Variants in ZNF385D observed in about 807,000 individuals in gnomAD.
The protein encoded by ZNF385D is zinc finger protein 385D.
A neutral mutation model predicts 35.8 loss-of-function variants in ZNF385D; 15 were observed. The ratio of observed to expected loss-of-function variants is 0.42; its 90% CI spans 0.28 to 0.64. The LOEUF (loss-of-function observed/expected upper bound fraction) is 0.64. Ranked by LOEUF, ZNF385D falls within the 30% of genes least tolerant of loss-of-function variation. The pLI is 0.23. For missense variants in ZNF385D, 474 were observed against 494.6 expected, an observed-to-expected ratio of 0.96 and a Z score of 0.39; for synonymous variants, 212 against 186.8, an observed-to-expected ratio of 1.13 and a Z score of -1.10.
At chr3:22,119,812 A>G (rs1053530936) in intron 3 of ZNF385D, among the ~76,000 whole-genome samples, 1 of 151,874 alleles carries the variant, frequency 6.6e-6, no homozygotes, top group Non-Finnish European at 1.5e-5. Flanking sequence ...GTGAGTATTT[A>G]TTCAGCATCT....
At chr3:22,024,915 A>G (rs1697443397) in intron 3 of ZNF385D, among the ~76,000 whole-genome samples, 1 of 152,170 alleles carries the variant, frequency 6.6e-6, no homozygotes, top group South Asian at 2.1e-4. Context: ...TGAGAGTTTT[A>G]TCTCCTGTAG....
chr3:21,468,644 G>C (rs1387292352), intron 4 of ZNF385D, among the ~76,000 whole-genome samples: 1 of 151,816 alleles, frequency 6.6e-6, no homozygotes, highest in Non-Finnish European at 1.5e-5. Context: ...ACGTAGTATG[G>C]GCAGGGGGCG....
At chr3:21,527,933 T>G (rs894877823) in intron 3 of ZNF385D, among the ~76,000 whole-genome samples, 1 of 152,198 alleles carries the variant, frequency 6.6e-6, no homozygotes, top group African/African-American at 2.4e-5. Flanking sequence ...ATTTTATGTA[T>G]TATTTAAATG....
chr3:22,079,387 T>C (rs1700628357), intron 3 of ZNF385D, among the ~76,000 whole-genome samples: 1 of 151,888 alleles, frequency 6.6e-6, no homozygotes, highest in Non-Finnish European at 1.5e-5. Flanking sequence ...ATATAATTAA[T>C]ATAAAAATAT....
intron 3 of ZNF385D, among the ~76,000 whole-genome samples, chr3:22,088,415 T>C (rs1219808427): frequency 6.6e-6 from 1 of 152,182 alleles, no homozygotes; most frequent in Non-Finnish European, 1.5e-5. Context: ...TGTTGTATCC[T>C]AGGACACTTT....
chr3:22,121,386 A>G (rs978679135), intron 3 of ZNF385D, among the ~76,000 whole-genome samples: 1 of 152,200 alleles, frequency 6.6e-6, no homozygotes, highest in African/African-American at 2.4e-5. Context: ...TTAACTCAGC[A>G]TGCATAATCA....
chr3:22,252,244 A>G (rs1700098009), intron 2 of ZNF385D, among the ~76,000 whole-genome samples: 1 of 152,064 alleles, frequency 6.6e-6, no homozygotes, highest in East Asian at 1.9e-4. Context: ...AACTCTTATG[A>G]AAGGAAATTG....
intron 1 of ZNF385D, among the ~76,000 whole-genome samples, chr3:21,698,650 A>C (rs940241231): frequency 1.3e-5 from 2 of 151,032 alleles, no homozygotes; most frequent in Non-Finnish European, 3.0e-5. Flanking sequence ...AAGAAAAAAA[A>C]CAAACAAACC....
At chr3:22,277,144 C>CA (rs1022414684) in intron 2 of ZNF385D, among the ~76,000 whole-genome samples, 3 of 151,894 alleles carry the variant, frequency 2.0e-5, no homozygotes, top group Admixed American at 2.0e-4. Flanking sequence ...TAATAACTCC[C>CA]AAAAGGAAGT....
rs907013364 is a variant in ZNF385D at position 21,965,853 on chromosome 3, G to C, written c.325+202964C>G. ...GCTCAAAAATATGGAAGAAAGAAGGGAGGAAGGAATGGAAGAAGAAGAGAT... is the reference window on the plus strand; with the variant it reads ...GCTCAAAAATATGGAAGAAAGAAGGCAGGAAGGAATGGAAGAAGAAGAGAT... On this transcript the variant is annotated intron_variant, in intron 3 of 5. Coordinates refer to the ZNF385D transcript ENST00000494108. 3.3e-5 allele frequency among the ~76,000 whole-genome samples: 5 copies of C among 152,266 alleles called. No individual in the cohort carries two copies. In the South Asian group the frequency reaches 1.0e-3, roughly 32 times the overall value.
chr3:22,140,431 G>A (rs1704435905), intron 3 of ZNF385D, among the ~76,000 whole-genome samples: 1 of 152,152 alleles, frequency 6.6e-6, no homozygotes, highest in South Asian at 2.1e-4. Flanking sequence ...AGAGATTAGT[G>A]TTATGAAGAT....
At chr3:21,566,831 C>T (rs189424202) in intron 2 of ZNF385D, among the ~76,000 whole-genome samples, 2 of 152,274 alleles carry the variant, frequency 1.3e-5, no homozygotes, top group East Asian at 1.9e-4. Flanking sequence ...CCTCTTACCC[C>T]TCTGTGGTCA....
At chr3:22,077,419 G>C (rs934634782) in intron 3 of ZNF385D, among the ~76,000 whole-genome samples, 1 of 152,006 alleles carries the variant, frequency 6.6e-6, no homozygotes, top group East Asian at 1.9e-4. Context: ...TCCAACATTG[G>C]TCATTACCTA....
At chr3:21,811,401 T>C (rs2072916581) in intron 3 of ZNF385D, among the ~76,000 whole-genome samples, 1 of 152,114 alleles carries the variant, frequency 6.6e-6, no homozygotes, top group African/African-American at 2.4e-5. Context: ...CAAAGACTAT[T>C]ATAGTCAGGT....
chr3:22,144,457 C>T (rs1243971574), intron 3 of ZNF385D, among the ~76,000 whole-genome samples: 7 of 150,628 alleles, frequency 4.6e-5, no homozygotes, highest in African/African-American at 9.8e-5. Flanking sequence ...TGCATGCCTT[C>T]GAGCTACTGC....
At chr3:22,049,903 T>A (rs1699240898) in intron 3 of ZNF385D, among the ~76,000 whole-genome samples, 1 of 152,230 alleles carries the variant, frequency 6.6e-6, no homozygotes. Flanking sequence ...TGGTTGTTAA[T>A]ATTTTGTTGA....
intron 3 of ZNF385D, among the ~76,000 whole-genome samples, chr3:21,823,592 T>C (rs965839191): frequency 6.6e-6 from 1 of 152,188 alleles, no homozygotes; most frequent in Admixed American, 6.5e-5. Flanking sequence ...TCAGATGAAT[T>C]TTCTGGCCCA....
chr3:21,570,065 A>ATAAT (rs1290807936), intron 2 of ZNF385D, among the ~76,000 whole-genome samples: 1 of 151,842 alleles, frequency 6.6e-6, no homozygotes, highest in Non-Finnish European at 1.5e-5. Flanking sequence ...AATAATAATA[A>ATAAT]TAATAAAAAA....
chr3:21,908,118 ATATCTATCTATCTATCTATCTATCTATC>A (rs61001621), intron 3 of ZNF385D, among the ~76,000 whole-genome samples: 1 of 135,742 alleles, frequency 7.4e-6, no homozygotes, highest in African/African-American at 2.7e-5. Context: ...CTTTCTCTCT[ATATCTATCTATCTATCTATCTATCTATC>A]TATCTATCTA....
Sources: allele counts gnomAD v4.1 joint callset (sites outside exome capture counted in the v4.1 genomes callset), GRCh38; gene constraint gnomAD v4.1.1; transcripts MANE v1.5; gene names NCBI Gene and HGNC (gene_info 2026-07-23, HGNC 2026-07-21).